RPS5: variants seen among roughly 807,000 people sequenced by gnomAD.
The protein encoded by RPS5 is ribosomal protein S5.
A neutral mutation model predicts 20.9 loss-of-function variants in RPS5; 2 were observed. The ratio of observed to expected loss-of-function variants is 0.10; its 90% CI spans 0.04 to 0.30. The LOEUF (loss-of-function observed/expected upper bound fraction) is 0.30, where lower values mean the gene tolerates loss of function less well. Among genes scored for constraint, RPS5 ranks in the 10% least tolerant of loss-of-function variants. The probability of loss-of-function intolerance (pLI) is 1.00; values close to 1 mark genes in which losing one functional copy is unlikely to be tolerated. For missense variants in RPS5, 122 were observed against 287.2 expected, an observed-to-expected ratio of 0.42 and a Z score of 4.16; for synonymous variants, 112 against 105.8, an observed-to-expected ratio of 1.06 and a Z score of -0.36.
At chr19:58,391,444 A>AC (rs2052362927) in intron 2 of RPS5, among the ~76,000 whole-genome samples, 1 of 151,156 alleles carries the variant, frequency 6.6e-6, no homozygotes, top group Middle Eastern at 3.4e-3. Context: ...AAAAAAAAAA[A>AC]AAAAAAAACT....
intron 2 of RPS5, among the ~76,000 whole-genome samples, chr19:58,391,301 G>T (rs1020408595): frequency 6.6e-6 from 1 of 151,024 alleles, no homozygotes; most frequent in African/African-American, 2.4e-5. Flanking sequence ...GCATGGTGGC[G>T]TGCACCTGTT....
At position 58,387,308 on chromosome 19, in the gene RPS5, G is replaced by C. The variant is rs1422339718; in HGVS notation, c.-33G>C. The C allele has an allele frequency of 6.6e-6, 1 of 152,286 alleles. No individual in the cohort carries two copies. Among genetic ancestry groups the C allele is most frequent in the Non-Finnish European group, 1.5e-5 (1 of 68,064 alleles). The allele number at this position is 152,286 out of a possible 1,614,324, so 9.4% of individuals were successfully genotyped here. A position where few individuals can be genotyped will look rare whatever the true frequency, so the allele number is the denominator to read the frequency against. On this transcript the variant is annotated 5_prime_UTR_variant, in exon 1 of 6. Coordinates refer to ENST00000196551, the MANE Select transcript of RPS5 (RefSeq NM_001009.4). ...ACCAGGGCGGCGCGTGGTCTACGCC[G>C]AGTGACAGAGACGCTCAGGCTGTGT...
chr19:58,390,428 T>C (rs974352316), intron 2 of RPS5, among the ~76,000 whole-genome samples: 1 of 16,514 alleles, frequency 6.1e-5, no homozygotes, highest in Admixed American at 4.8e-4. Context: ...CACTGTTACT[T>C]TTTTTTTTTT....
intron 2 of RPS5, chr19:58,388,636 GTTTTTTTTTT>G (rs3048304): frequency 1.5e-3 from 317 of 209,336 alleles, no homozygotes; most frequent in Middle Eastern, 2.6e-3. Flanking sequence ...GCTGGCCGTA[GTTTTTTTTTT>G]TTTTTTTTTT....
At chr19:58,388,295 C>A in intron 2 of RPS5, 50 bp downstream of exon 2, 1 of 1,286,006 alleles carries the variant, frequency 7.8e-7, no homozygotes, top group East Asian at 2.4e-5. Flanking sequence ...GGACATTATT[C>A]CAGGAAGGCA....
At chr19:58,391,761 A>G (rs1293380878) in intron 2 of RPS5, among the ~76,000 whole-genome samples, 1 of 151,690 alleles carries the variant, frequency 6.6e-6, no homozygotes, top group African/African-American at 2.4e-5. Context: ...CCCCAGCTCT[A>G]CTAAAAATAC....
At position 58,392,987 on chromosome 19, in the gene RPS5, A is replaced by G; in HGVS notation, c.120A>G (p.Ala40=). The part of the protein sequence containing the change: ...INDISLQDYI[A]VKEKYAKYLP... The stretch of plus-strand genomic sequence containing the variant: ...CCCTGCTGCCCCAGGATTACATTGC[A>G]GTGAAGGAGAAGTATGCCAAGTACC... The change falls in exon 3 of 6, where the codon GCA becomes GCG. Residue 40 remains alanine (A), a synonymous_variant. Transcript: ENST00000196551. The G allele has an allele frequency of 6.2e-7, 1 of 1,613,612 alleles. No homozygotes were observed. The highest frequency in any genetic ancestry group is 1.7e-5 in the Admixed American group (1 of 60,010).
intron 2 of RPS5, among the ~76,000 whole-genome samples, chr19:58,390,304 C>G (rs1364746004): frequency 2.0e-5 from 3 of 152,160 alleles, no homozygotes; most frequent in East Asian, 3.8e-4. Flanking sequence ...ATGCGACTTT[C>G]CTGCCTCAGC....
At chr19:58,389,998 G>A (rs891852116) in intron 2 of RPS5, among the ~76,000 whole-genome samples, 5 of 151,020 alleles carry the variant, frequency 3.3e-5, no homozygotes, top group South Asian at 2.1e-4. Flanking sequence ...GGGTTCAAGC[G>A]ATTCTCCTGT....
chr19:58,392,334 A>AGG lies in RPS5; in HGVS notation c.109-642_109-641insGG, dbSNP rs1183895419. ...AAGACTCAGCCTCAAGGGGGGGAAA[A>AGG]AAAAAACTAGGCCAGGCGCAGTGGC... On this transcript the variant is annotated intron_variant, in intron 2 of 5. Coordinates refer to ENST00000196551, the MANE Select transcript of RPS5 (RefSeq NM_001009.4). Among the ~76,000 whole-genome samples, 3 of 151,144 alleles carry AGG rather than the reference A, an allele frequency of 2.0e-5. No homozygotes were observed. In the East Asian group the frequency reaches 5.8e-4, roughly 29 times the overall value.
chr19:58,392,860 C>T (rs2052372707), intron 2 of RPS5, 116 bp from the exon 3 acceptor site: 5 of 912,058 alleles, frequency 5.5e-6, no homozygotes. Context: ...ATACCAGGAT[C>T]CCAGACAGCT....
chr19:58,390,324 T>C (rs2052354641), intron 2 of RPS5, among the ~76,000 whole-genome samples: 1 of 150,558 alleles, frequency 6.6e-6, no homozygotes, highest in African/African-American at 2.4e-5. Context: ...CCTCCCGAAG[T>C]GCTGGGGTTA....
chr19:58,391,894 C>T (rs1377848143), intron 2 of RPS5, among the ~76,000 whole-genome samples: 1 of 152,052 alleles, frequency 6.6e-6, no homozygotes, highest in Non-Finnish European at 1.5e-5. Flanking sequence ...CCACTGCCCT[C>T]CAGCCTGGAA....
At chr19:58,388,430 T>C (rs2052341137) in intron 2 of RPS5, 185 bp downstream of exon 2, 1 of 592,244 alleles carries the variant, frequency 1.7e-6, no homozygotes, top group African/African-American at 1.9e-5. Context: ...GACTACAACT[T>C]CTGTCATGAG....
Position 58,387,289 on chromosome 19 carries a change from G to T in RPS5, c.-52G>T, listed in dbSNP as rs1395172350. 2.0e-5 allele frequency: 3 copies of T among 152,296 alleles called. No homozygotes were observed. The highest frequency in any genetic ancestry group is 2.1e-4 in the South Asian group (1 of 4,836). The allele number at this position is 152,296 out of a possible 1,614,324, so 9.4% of individuals were successfully genotyped here. A position where few individuals can be genotyped will look rare whatever the true frequency, so the allele number is the denominator to read the frequency against. ...GCGGCCTCTTCCTGTCTGTACCAGG[G>T]CGGCGCGTGGTCTACGCCGAGTGAC... On this transcript the variant is annotated 5_prime_UTR_variant, in exon 1 of 6. Coordinates refer to ENST00000196551, the MANE Select transcript of RPS5 (RefSeq NM_001009.4).
intron 2 of RPS5, among the ~76,000 whole-genome samples, 158 bp from the exon 3 acceptor site, chr19:58,392,818 A>T (rs974795167): frequency 6.6e-6 from 1 of 152,052 alleles, no homozygotes; most frequent in Non-Finnish European, 1.5e-5. Flanking sequence ...CTCATGGTGG[A>T]TGGGGCTTAC....
At chr19:58,390,955 A>G (rs2052359367) in intron 2 of RPS5, among the ~76,000 whole-genome samples, 1 of 152,088 alleles carries the variant, frequency 6.6e-6, no homozygotes, top group African/African-American at 2.4e-5. Flanking sequence ...TATTTTGTGT[A>G]TATTCTCAGA....
At chr19:58,388,549 C>T (rs1422831582) in intron 2 of RPS5, 3 of 489,790 alleles carry the variant, frequency 6.1e-6, no homozygotes, top group Non-Finnish European at 1.1e-5. Context: ...TGTGAATATC[C>T]AGTTATCCAG....
At chr19:58,392,862 C>T (rs2052372721) in intron 2 of RPS5, 114 bp from the exon 3 acceptor site, 1 of 941,450 alleles carries the variant, frequency 1.1e-6, no homozygotes, top group Non-Finnish European at 1.6e-6. Flanking sequence ...ACCAGGATCC[C>T]AGACAGCTGT....
Sources: gnomAD v4.1 joint callset for allele counts (sites outside exome capture counted in the v4.1 genomes callset) on GRCh38, gnomAD v4.1.1 for gene constraint, MANE v1.5 for transcripts, NCBI Gene and HGNC (gene_info 2026-07-23, HGNC 2026-07-21) for gene names.